The following RBM19 variants were observed in gnomAD, a reference collection of about 807,000 sequenced individuals.
RBM19 encodes RNA binding motif protein 19.
In RBM19, 94 loss-of-function variants were observed where a neutral mutation model predicts 116.8. The ratio of observed to expected loss-of-function variants is 0.80; its 90% confidence interval spans 0.68 to 0.95. The LOEUF (loss-of-function observed/expected upper bound fraction) is 0.95, where lower values mean the gene tolerates loss of function less well. Ranked by LOEUF, RBM19 falls within the 40% of genes least tolerant of loss-of-function variation. The pLI, the probability that RBM19 is intolerant of heterozygous loss-of-function variation, is 0.00. For missense variants in RBM19, 1,161 were observed against 1,220.7 expected (o/e 0.95, Z 0.73); for synonymous variants, 475 against 494.1 (o/e 0.96, Z 0.51).
At chr12:113,911,451 C>T (rs1256998343) in intron 21 of RBM19, among the ~76,000 whole-genome samples, 5 of 152,238 alleles carry the variant, frequency 3.3e-5, no homozygotes, top group East Asian at 3.8e-4. Flanking sequence ...GGCTTCAGCA[C>T]TGCCGTTGTG....
At chr12:113,878,099 A>G (rs1879799607) in intron 21 of RBM19, among the ~76,000 whole-genome samples, 1 of 152,152 alleles carries the variant, frequency 6.6e-6, no homozygotes, top group South Asian at 2.1e-4. Flanking sequence ...CACATGGCCC[A>G]TGAAGCTAGG....
chr12:113,832,465 C>T (rs1219370802), intron 23 of RBM19, among the ~76,000 whole-genome samples: 2 of 152,212 alleles, frequency 1.3e-5, no homozygotes, highest in African/African-American at 2.4e-5. Context: ...GCTGGGATTA[C>T]AGGCATGAGC....
At chr12:113,855,752 C>G (rs559901873) in intron 22 of RBM19, among the ~76,000 whole-genome samples, 2 of 152,320 alleles carry the variant, frequency 1.3e-5, no homozygotes, top group East Asian at 3.9e-4. Context: ...CTCCATGTCT[C>G]TGGCAGTATT....
rs185345617 is a variant in RBM19, at chr12:113,944,390, T to C, written c.1626+1438A>G. Reference sequence around the variant, plus strand: ...TCGGTTTATAGGTGTGAGCCACCGTTCCCAACCCAGATGCATGCATTTTAA... The same window carrying C: ...TCGGTTTATAGGTGTGAGCCACCGTCCCCAACCCAGATGCATGCATTTTAA... On this transcript the variant is annotated intron_variant, in intron 13 of 23. Transcript: ENST00000261741. Among the ~76,000 whole-genome samples the C allele has an allele frequency of 1.0e-3, 158 of 152,088 alleles. No homozygotes were observed. In the Middle Eastern group the frequency reaches 0.024, roughly 23 times the overall value.
chr12:113,817,368 GATGAATGAATGA>G (rs35136498), downstream of RBM19: 4 of 152,202 alleles, frequency 2.6e-5, no homozygotes, highest in African/African-American at 9.7e-5. Flanking sequence ...GTGTCTGATG[GATGAATGAATGA>G]ATGAATGAAT....
intron 21 of RBM19, among the ~76,000 whole-genome samples, chr12:113,889,260 A>G (rs557867185): frequency 6.6e-6 from 1 of 152,280 alleles, no homozygotes; most frequent in African/African-American, 2.4e-5. Flanking sequence ...ACATTTCCAA[A>G]TGTCCCCTGG....
At chr12:113,924,310 C>G (rs1868861362) in intron 18 of RBM19, among the ~76,000 whole-genome samples, 1 of 152,242 alleles carries the variant, frequency 6.6e-6, no homozygotes, top group African/African-American at 2.4e-5. Context: ...GAGTGCAAGA[C>G]TGGTTGTTTC....
Position 113,957,953 on chromosome 12 carries a change from G to T in RBM19, c.669C>A (p.Ser223=). ...CATCTTCACTTTCCTCTTCCTCCGA[G>T]GAAGAGGACGACCCAGCCTTCACCA... The part of the protein sequence containing the change: ...SKMVKAGSSS[S]SEEEESEDEA... Residue 223 remains serine (S), a synonymous_variant, in exon 6 of 24, where the codon TCC becomes TCA. Transcript: ENST00000261741. The T allele has an allele frequency of 6.2e-7, 1 of 1,614,158 alleles. No individual in the cohort carries two copies. The highest frequency in any genetic ancestry group is 8.5e-7 in the Non-Finnish European group (1 of 1,179,996).
rs1870987910 is a variant in RBM19 at position 113,946,007 on chromosome 12, T to A, written c.1530-83A>T. ...TCTCAGACACGAATCCTGTAAGAAA[T>A]GGGCTCCTAGGCCTGCCTATCTACA... On this transcript the variant is annotated intron_variant, in intron 12 of 23. Coordinates refer to ENST00000261741, the MANE Select transcript of RBM19 (RefSeq NM_016196.4). 4 of 1,299,024 alleles carry A rather than the reference T, an allele frequency of 3.1e-6. 1 individual carries two copies. The highest frequency in any genetic ancestry group is 1.5e-5 in the African/African-American group (1 of 68,208). The allele number at this position is 1,299,024 out of a possible 1,614,324, so 80.5% of individuals were successfully genotyped here. A position where few individuals can be genotyped will look rare whatever the true frequency, so the allele number is the denominator to read the frequency against.
chr12:113,918,521 G>C, intron 19 of RBM19, 74 bp from the exon 20 acceptor site: 1 of 1,515,730 alleles, frequency 6.6e-7, no homozygotes, highest in Non-Finnish European at 9.1e-7. Context: ...CTTCACCAGA[G>C]CAGAGCCCTG....
At chr12:113,836,821 T>TACAC (rs1565964414) in intron 23 of RBM19, among the ~76,000 whole-genome samples, 17 of 138,244 alleles carry the variant, frequency 1.2e-4, no homozygotes, top group South Asian at 2.3e-4. Flanking sequence ...ACTTACTACA[T>TACAC]ACATACACAC....
chr12:113,871,446 C>T (rs1879197121), intron 21 of RBM19, among the ~76,000 whole-genome samples: 1 of 151,742 alleles, frequency 6.6e-6, no homozygotes, highest in Non-Finnish European at 1.5e-5. Flanking sequence ...CAGGGATGCA[C>T]ACATTTTTTC....
At position 113,829,455 on chromosome 12, in the gene RBM19, C is replaced by T. The variant is rs117026451; in HGVS notation, c.2786-6134G>A. Among the ~76,000 whole-genome samples the T allele has an allele frequency of 3.4e-3, 511 of 152,320 alleles. 2 individuals are homozygous for T. The highest frequency in any genetic ancestry group is 5.9e-3 in the Non-Finnish European group (399 of 68,018). On this transcript the variant is annotated intron_variant, in intron 23 of 23. Coordinates refer to ENST00000261741, the MANE Select transcript of RBM19 (RefSeq NM_016196.4). ...AGTGTTCCCACCTGTTAAACGGGGA[C>T]GGTGCCTGCTCTGCTTATCTCATGG...
chr12:113,945,691 G>A (rs1870947368), intron 13 of RBM19, 137 bp downstream of exon 13: 3 of 673,636 alleles, frequency 4.5e-6, no homozygotes, highest in Non-Finnish European at 7.6e-6. Context: ...TTCCATTCCA[G>A]AGGCCTCTGG....
chr12:113,820,102 G>A (rs898949664), downstream of RBM19, among the ~76,000 whole-genome samples: 3 of 152,050 alleles, frequency 2.0e-5, no homozygotes, highest in Non-Finnish European at 4.4e-5. Context: ...TACTGCAGAC[G>A]AACTGATCAG....
intron 1 of RBM19, 40 bp downstream of exon 1, chr12:113,966,152 G>A: frequency 6.2e-7 from 1 of 1,613,616 alleles, no homozygotes. Context: ...GCTCCCGGCT[G>A]GTCTCATTTC....
chr12:113,947,047 G>T (rs1021565922), intron 11 of RBM19, among the ~76,000 whole-genome samples: 17 of 152,214 alleles, frequency 1.1e-4, no homozygotes, highest in Non-Finnish European at 2.2e-4. Context: ...CTATAGAGAT[G>T]GAGAGCAAAT....
Position 113,957,786 on chromosome 12 carries a change from G to A in RBM19, c.836C>T (p.Ala279Val). 1 of 1,588,284 alleles carries A rather than the reference G, an allele frequency of 6.3e-7. No homozygotes were observed. Among genetic ancestry groups the A allele is most frequent in the South Asian group, 1.2e-5 (1 of 86,654 alleles). Reference sequence around the variant, plus strand: ...ACCTGCGGGATACACACGCACCTCGGCTCTGGCCTCCGGTGGTCTCTTTTT... The same window carrying A: ...ACCTGCGGGATACACACGCACCTCGACTCTGGCCTCCGGTGGTCTCTTTTT... ...AGKKRPPEAR[A>V]ETEKPANQKE... is the part of the protein sequence containing the mutation. The change falls in exon 6 of 24, where the codon GCC (alanine) becomes GTC (valine). Residue 279 changes from alanine (A) to valine (V), a missense_variant. Transcript: ENST00000261741.
chr12:113,846,055 T>C (rs1876940021), intron 22 of RBM19, among the ~76,000 whole-genome samples: 1 of 152,232 alleles, frequency 6.6e-6, no homozygotes, highest in South Asian at 2.1e-4. Flanking sequence ...CTCGTTGCTG[T>C]TGTTTTGTTA....
Sources: allele counts gnomAD v4.1 joint callset (sites outside exome capture counted in the v4.1 genomes callset), GRCh38; gene constraint gnomAD v4.1.1; transcripts MANE v1.5; gene names NCBI Gene and HGNC (gene_info 2026-07-23, HGNC 2026-07-21).